The following IL1RAPL2 variants were observed in gnomAD, a reference collection of about 807,000 sequenced individuals.
The protein encoded by IL1RAPL2 is X-linked interleukin-1 receptor accessory protein-like 2.
In IL1RAPL2, 3 loss-of-function variants were observed where a neutral mutation model predicts 44.1. The ratio of observed to expected loss-of-function variants is 0.07; its 90% CI spans 0.03 to 0.18. The LOEUF (loss-of-function observed/expected upper bound fraction) is 0.18, where lower values mean the gene tolerates loss of function less well. Ranked by LOEUF, IL1RAPL2 falls within the 10% of genes least tolerant of loss-of-function variation. The pLI, the probability that IL1RAPL2 is intolerant of heterozygous loss-of-function variation, is 1.00. For synonymous variants in IL1RAPL2, 181 were observed against 178.8 expected (o/e 1.01, Z -0.10); for missense variants, 391 against 496.4 (o/e 0.79, Z 2.02).
At chrX:105,165,596 C>T (rs1602987211) in intron 2 of IL1RAPL2, among the ~76,000 whole-genome samples, 1 of 112,108 alleles carries the variant, frequency 8.9e-6, no homozygotes, top group African/African-American at 3.2e-5. Context: ...CTCCACATGG[C>T]TTTCAGGATA....
chrX:105,092,995 T>C (rs771879485), intron 2 of IL1RAPL2, among the ~76,000 whole-genome samples: 1 of 111,438 alleles, frequency 9.0e-6, no homozygotes, highest in South Asian at 3.8e-4. Context: ...TCATCTACCT[T>C]TTTCCTCTCA....
intron 2 of IL1RAPL2, among the ~76,000 whole-genome samples, chrX:104,968,979 CTGTGTGTGTGTGTG>C (rs35842489): frequency 2.3e-4 from 19 of 82,048 alleles, no homozygotes; most frequent in South Asian, 7.0e-4. Context: ...TTGCCTTTTG[CTGTGTGTGTGTGTG>C]TGTGTGTGTG....
chrX:104,596,724 G>C (rs755758084), intron 1 of IL1RAPL2, among the ~76,000 whole-genome samples: 20 of 111,409 alleles, frequency 1.8e-4, no homozygotes, highest in Non-Finnish European at 3.2e-4. Context: ...TCAGAGGGTA[G>C]CTATGGAGAA....
At chrX:105,346,647 G>A (rs2035112837) in intron 5 of IL1RAPL2, among the ~76,000 whole-genome samples, 1 of 111,505 alleles carries the variant, frequency 9.0e-6, no homozygotes, top group African/African-American at 3.3e-5. Flanking sequence ...ACAGGTTTGC[G>A]GGGACAGGAC....
intron 4 of IL1RAPL2, among the ~76,000 whole-genome samples, chrX:105,258,886 T>A (rs1004790123): frequency 3.6e-5 from 4 of 112,100 alleles, no homozygotes; most frequent in Non-Finnish European, 7.5e-5. Flanking sequence ...TCAATCTCAA[T>A]GATCTTTGTT....
At chrX:105,488,387 A>G (rs2036285876) in intron 6 of IL1RAPL2, among the ~76,000 whole-genome samples, 1 of 112,046 alleles carries the variant, frequency 8.9e-6, no homozygotes. Flanking sequence ...ACTAGCACCA[A>G]GACACCAATA....
intron 6 of IL1RAPL2, among the ~76,000 whole-genome samples, chrX:105,527,227 A>G (rs1318434743): frequency 9.0e-6 from 1 of 111,120 alleles, no homozygotes; most frequent in Non-Finnish European, 1.9e-5. Context: ...AGAAGACATA[A>G]TTTAAAATAA....
chrX:105,435,783 A>C (rs762048693), intron 5 of IL1RAPL2, among the ~76,000 whole-genome samples: 1 of 111,523 alleles, frequency 9.0e-6, no homozygotes, highest in East Asian at 2.9e-4. Flanking sequence ...TCAGCAAACT[A>C]AGACAGGAAC....
chrX:105,128,725 C>T (rs2032999429), intron 2 of IL1RAPL2, among the ~76,000 whole-genome samples: 2 of 111,298 alleles, frequency 1.8e-5, no homozygotes, highest in South Asian at 7.4e-4. Context: ...CTAGCTCTTG[C>T]TTCTAGTTTT....
chrX:105,551,549 A>G (rs1240017540), intron 6 of IL1RAPL2, among the ~76,000 whole-genome samples: 1 of 111,673 alleles, frequency 9.0e-6, no homozygotes, highest in East Asian at 2.8e-4. Context: ...AGGAGCTAAT[A>G]TAAATTTTTA....
At chrX:104,627,920 G>GA (rs772273871) in intron 1 of IL1RAPL2, among the ~76,000 whole-genome samples, 16 of 108,043 alleles carry the variant, frequency 1.5e-4, no homozygotes, top group Non-Finnish European at 2.1e-4. Flanking sequence ...TCATTGAAAA[G>GA]AAAAAAAAAT....
intron 5 of IL1RAPL2, among the ~76,000 whole-genome samples, chrX:105,442,066 T>A (rs1024867262): frequency 1.8e-5 from 2 of 110,188 alleles, no homozygotes; most frequent in Non-Finnish European, 1.9e-5. Flanking sequence ...TTTTATTTTA[T>A]TTTTTTTGGA....
chrX:105,591,218 C>T (rs1471881230), intron 6 of IL1RAPL2, among the ~76,000 whole-genome samples: 4 of 108,676 alleles, frequency 3.7e-5, no homozygotes, highest in African/African-American at 1.3e-4. Context: ...TTGTGATAGT[C>T]TCCAAGGTTT....
intron 2 of IL1RAPL2, among the ~76,000 whole-genome samples, chrX:105,048,433 A>C (rs1158857382): frequency 8.9e-6 from 1 of 112,348 alleles, no homozygotes; most frequent in Non-Finnish European, 1.9e-5. Flanking sequence ...CAAACTAAAA[A>C]ATATAAAATA....
chrX:105,437,518 A>T (rs1218243946), intron 5 of IL1RAPL2, among the ~76,000 whole-genome samples: 1 of 111,680 alleles, frequency 9.0e-6, no homozygotes, highest in African/African-American at 3.3e-5. Flanking sequence ...AGTTTGAAAA[A>T]TATGTCAGGT....
intron 4 of IL1RAPL2, among the ~76,000 whole-genome samples, chrX:105,258,834 T>G (rs1319378357): frequency 8.9e-6 from 1 of 112,050 alleles, no homozygotes; most frequent in Non-Finnish European, 1.9e-5. Context: ...CTGTATCGTT[T>G]TATTGTGATT....
At chrX:104,620,250 G>C (rs144458861) in intron 1 of IL1RAPL2, among the ~76,000 whole-genome samples, 22 of 110,394 alleles carry the variant, frequency 2.0e-4, no homozygotes, top group Non-Finnish European at 3.8e-4. Flanking sequence ...GGTAACAGGT[G>C]CACCAAAATC....
At chrX:105,392,707 G>A (rs2035535327) in intron 5 of IL1RAPL2, among the ~76,000 whole-genome samples, 1 of 111,507 alleles carries the variant, frequency 9.0e-6, no homozygotes, top group Admixed American at 9.5e-5. Context: ...ATCAGCCATG[G>A]CAATGTGCAA....
At chrX:104,698,922 A>T (rs888931670) in intron 2 of IL1RAPL2, among the ~76,000 whole-genome samples, 3 of 111,401 alleles carry the variant, frequency 2.7e-5, no homozygotes, top group Non-Finnish European at 5.6e-5. Flanking sequence ...AGAATGACTT[A>T]AGTGAGATGA....
Sources: allele counts gnomAD v4.1 joint callset (sites outside exome capture counted in the v4.1 genomes callset), GRCh38; gene constraint gnomAD v4.1.1; transcripts MANE v1.5; gene names NCBI Gene and HGNC (gene_info 2026-07-23, HGNC 2026-07-21).